Variants in DNM3 observed in about 807,000 individuals in gnomAD.
The protein encoded by DNM3 is dynamin-3.
In DNM3, 47 loss-of-function variants were observed where a neutral mutation model predicts 101.6. The ratio of observed to expected loss-of-function variants is 0.46; its 90% confidence interval spans 0.37 to 0.59. The LOEUF is 0.59. Ranked by LOEUF, DNM3 falls within the 20% of genes least tolerant of loss-of-function variation. The pLI is 0.00. For synonymous variants in DNM3, 385 were observed against 387.9 expected (o/e 0.99, Z 0.09); for missense variants, 849 against 1,085.7 (o/e 0.78, Z 3.06).
chr1:172,113,636 A>AAC (rs2055666892), intron 13 of DNM3, among the ~76,000 whole-genome samples: 1 of 151,204 alleles, frequency 6.6e-6, no homozygotes. Flanking sequence ...AAAAAAAAAA[A>AAC]AAAAAAAACA....
downstream of DNM3, among the ~76,000 whole-genome samples, chr1:172,413,964 A>G (rs1405694064): frequency 6.6e-6 from 1 of 152,250 alleles, no homozygotes; most frequent in Non-Finnish European, 1.5e-5. Context: ...ATTTTGAAGT[A>G]TGTTAATCAT....
chr1:171,935,662 T>C (rs1205532567), intron 2 of DNM3, among the ~76,000 whole-genome samples: 1 of 151,958 alleles, frequency 6.6e-6, no homozygotes, highest in Non-Finnish European at 1.5e-5. Context: ...TCTGATTGTG[T>C]GCCTCTCTTT....
At position 172,388,678 on chromosome 1, in the gene DNM3, C is replaced by G; in HGVS notation, c.2391C>G (p.Gly797=). 1.2e-6 allele frequency: 2 copies of G among 1,613,978 alleles called. No individual in the cohort carries two copies. The highest frequency in any genetic ancestry group is 1.1e-5 in the South Asian group (1 of 91,068). Residue 797 remains glycine, a synonymous_variant, in exon 20 of 21, where the codon GGC becomes GGG. Coordinates refer to ENST00000627582, the MANE Select transcript of DNM3 (RefSeq NM_015569.5). ...CAGCTCCTGCCATTCCCTCTCCTGG[C>G]CCCCACTCTGGGGCTCCTCCAGTCC... ...RGPAPAIPSP[G]PHSGAPPVPF...
At chr1:172,063,003 T>G (rs1481803778) in intron 10 of DNM3, among the ~76,000 whole-genome samples, 1 of 152,182 alleles carries the variant, frequency 6.6e-6, no homozygotes, top group East Asian at 1.9e-4. Context: ...ATTAAAAAAT[T>G]GTATGCTTTT....
chr1:172,288,769 G>A (rs746309987), intron 15 of DNM3, among the ~76,000 whole-genome samples: 42 of 152,162 alleles, frequency 2.8e-4, no homozygotes, highest in Admixed American at 1.3e-3. Flanking sequence ...GAACTTTAGG[G>A]GAAGAGAAGA....
intron 15 of DNM3, among the ~76,000 whole-genome samples, chr1:172,277,909 A>C (rs2148773540): frequency 6.6e-6 from 1 of 152,236 alleles, no homozygotes; most frequent in South Asian, 2.1e-4. Context: ...ATTAGCCCTG[A>C]GAGGTGGTAC....
At chr1:171,982,368 G>C (rs2044866143) in intron 2 of DNM3, among the ~76,000 whole-genome samples, 1 of 152,182 alleles carries the variant, frequency 6.6e-6, no homozygotes, top group Non-Finnish European at 1.5e-5. Flanking sequence ...AGAGGACACA[G>C]ATCTATGAGT....
rs888228115 is a variant in DNM3 at position 172,409,473 on chromosome 1, T to C, written c.*1632T>C. 2.0e-5 allele frequency: 20 copies of C among 984,300 alleles called. No homozygotes were observed. The Admixed American group carries it at 3.7e-4, about 18-fold the overall frequency. The allele number at this position is 984,300 out of a possible 1,614,324, so 61.0% of individuals were successfully genotyped here. On this transcript the variant is annotated 3_prime_UTR_variant, in exon 21 of 21. Transcript: ENST00000627582. ...CTTATGCTAACCCATTTATAATTGG[T>C]AAAAATCAGAAAATACAAGATTTAC...
At chr1:172,303,998 CATA>C (rs1180629116) in intron 15 of DNM3, among the ~76,000 whole-genome samples, 2 of 151,826 alleles carry the variant, frequency 1.3e-5, no homozygotes, top group African/African-American at 2.4e-5. Context: ...CAGCTAACAT[CATA>C]ATGTCAGGAT....
chr1:172,269,055 A>G (rs1046443370), intron 15 of DNM3, among the ~76,000 whole-genome samples: 1 of 152,174 alleles, frequency 6.6e-6, no homozygotes, highest in Non-Finnish European at 1.5e-5. Context: ...TTTCTTCCCA[A>G]GGATTCAGTT....
chr1:171,848,501 T>C (rs1437506503), intron 1 of DNM3, among the ~76,000 whole-genome samples: 1 of 152,176 alleles, frequency 6.6e-6, no homozygotes, highest in Admixed American at 6.6e-5. Flanking sequence ...AGGTGGGCAT[T>C]AGCTAGAAAG....
chr1:171,844,553 G>A lies in DNM3; in HGVS notation c.161+2736G>A, dbSNP rs192339439. Among the ~76,000 whole-genome samples the A allele has an allele frequency of 2.2e-4, 33 of 152,248 alleles. No homozygotes were observed. In the East Asian group the frequency reaches 6.0e-3, roughly 28 times the overall value. On this transcript the variant is annotated intron_variant, in intron 1 of 20. Coordinates refer to ENST00000627582, the MANE Select transcript of DNM3 (RefSeq NM_015569.5). Reference sequence around the variant, plus strand: ...TGTGAATATGTTTACTTCATTTAGCGGTTGCTGTAAAAGCTGATTTTTGGG... The same window carrying A: ...TGTGAATATGTTTACTTCATTTAGCAGTTGCTGTAAAAGCTGATTTTTGGG...
At chr1:172,144,870 T>C (rs2057791958) in intron 14 of DNM3, 3 of 275,550 alleles carry the variant, frequency 1.1e-5, no homozygotes, top group South Asian at 1.1e-4. Flanking sequence ...ATATATGGGA[T>C]GATGTCACCC....
chr1:172,170,837 T>G (rs1371165571), intron 14 of DNM3, among the ~76,000 whole-genome samples: 1 of 151,788 alleles, frequency 6.6e-6, no homozygotes, highest in Non-Finnish European at 1.5e-5. Flanking sequence ...TATAACTAAA[T>G]CATGGAGAAG....
rs115062521 is a variant in DNM3 at position 172,343,003 on chromosome 1, G to A, written c.1893+19663G>A. On this transcript the variant is annotated intron_variant, in intron 17 of 20. Coordinates refer to ENST00000627582, the MANE Select transcript of DNM3 (RefSeq NM_015569.5). ...CATAGCAATAAACTTGGTTTAATGC[G>A]GTCAGTTTTATCACAGATCAGGCCT... Among the ~76,000 whole-genome samples the A allele has an allele frequency of 6.2e-3, 951 of 152,166 alleles. 14 individuals are homozygous for A. The highest frequency in any genetic ancestry group is 0.021 in the African/African-American group (888 of 41,498).
chr1:172,224,375 T>A (rs2061023409), intron 14 of DNM3, among the ~76,000 whole-genome samples: 1 of 152,204 alleles, frequency 6.6e-6, no homozygotes, highest in Non-Finnish European at 1.5e-5. Context: ...ATTGTGGAAA[T>A]CAAATGGAAA....
chr1:172,020,616 C>T (rs868023301), intron 4 of DNM3, among the ~76,000 whole-genome samples: 6 of 145,032 alleles, frequency 4.1e-5, no homozygotes, highest in Admixed American at 1.4e-4. Context: ...CCCAGCTACT[C>T]GGGAGGCTGA....
At chr1:172,359,962 T>C (rs2067658320) in intron 17 of DNM3, among the ~76,000 whole-genome samples, 1 of 151,926 alleles carries the variant, frequency 6.6e-6, no homozygotes, top group Non-Finnish European at 1.5e-5. Context: ...CACAAGACTT[T>C]CCTATAATCA....
intron 14 of DNM3, among the ~76,000 whole-genome samples, chr1:172,229,231 C>T (rs953289538): frequency 6.6e-6 from 1 of 152,114 alleles, no homozygotes; most frequent in Admixed American, 6.6e-5. Flanking sequence ...TCACATTCAA[C>T]CAACCAACAA....
Sources: gnomAD v4.1 joint callset for allele counts (sites outside exome capture counted in the v4.1 genomes callset) on GRCh38, gnomAD v4.1.1 for gene constraint, MANE v1.5 for transcripts, NCBI Gene and HGNC (gene_info 2026-07-23, HGNC 2026-07-21) for gene names.